FTCDNL1: variants seen among roughly 807,000 people sequenced by gnomAD.
The protein encoded by FTCDNL1 is formiminotransferase cyclodeaminase N-terminal like, also known as formiminotransferase N-terminal subdomain-containing protein.
FTCDNL1 carries 11 observed loss-of-function variants against 5.9 expected under a neutral mutation model. The ratio of observed to expected loss-of-function variants is 1.87; its 90% CI spans 1.18 to 3.10. The LOEUF (loss-of-function observed/expected upper bound fraction) is 3.10. FTCDNL1 is among the 30% of genes most tolerant of loss of function. FTCDNL1 has a pLI of 0.00. For synonymous variants in FTCDNL1, 58 were observed against 24.8 expected (o/e 2.34, Z -3.99); for missense variants, 115 against 65.5 (o/e 1.76, Z -2.61).
the FTCDNL1 span, among the ~76,000 whole-genome samples, chr2:199,742,725 A>G: frequency 1.3e-5 from 2 of 152,234 alleles, no homozygotes; most frequent in Non-Finnish European, 2.9e-5. Flanking sequence ...AGGTTACACA[A>G]CAGGTGGAAG....
At chr2:199,710,770 CG>C in the FTCDNL1 span, among the ~76,000 whole-genome samples, 2 of 152,102 alleles carry the variant, frequency 1.3e-5, no homozygotes, top group African/African-American at 4.8e-5. Context: ...CCCCTGAAGT[CG>C]TAGCATTCTA....
At chr2:199,698,100 A>G in the FTCDNL1 span, among the ~76,000 whole-genome samples, 1 of 152,232 alleles carries the variant, frequency 6.6e-6, no homozygotes, top group Non-Finnish European at 1.5e-5. Context: ...CTAAATATAT[A>G]TGCATCCAAC....
chr2:199,785,646 T>C (rs770404722), intron 3 of FTCDNL1: 1 of 152,114 alleles, frequency 6.6e-6, no homozygotes, highest in Non-Finnish European at 1.5e-5. Flanking sequence ...TTCACATGAT[T>C]GAATTTTTTT....
chr2:199,721,656 G>C, the FTCDNL1 span, among the ~76,000 whole-genome samples: 2,859 of 152,230 alleles, frequency 0.019, 76 homozygotes, highest in East Asian at 0.16. Context: ...TGGGATTGCT[G>C]GGTCAAATGG....
chr2:199,836,143 C>G (rs1253952646), intron 3 of FTCDNL1, among the ~76,000 whole-genome samples: 4 of 152,008 alleles, frequency 2.6e-5, no homozygotes, highest in African/African-American at 9.7e-5. Context: ...GACATTTATT[C>G]TTGTTGATAT....
the FTCDNL1 span, among the ~76,000 whole-genome samples, chr2:199,753,551 C>T: frequency 3.9e-5 from 6 of 152,170 alleles, no homozygotes; most frequent in South Asian, 2.1e-4. Flanking sequence ...GGGACACAAT[C>T]GGAGAATACA....
chr2:199,664,050 A>G, the FTCDNL1 span, among the ~76,000 whole-genome samples: 1 of 152,184 alleles, frequency 6.6e-6, no homozygotes, highest in Non-Finnish European at 1.5e-5. Flanking sequence ...GTTTAAAAAA[A>G]AAAAAGTACT....
downstream of FTCDNL1, among the ~76,000 whole-genome samples, chr2:199,757,712 C>T (rs1194628319): frequency 6.6e-6 from 1 of 152,182 alleles, no homozygotes; most frequent in East Asian, 1.9e-4. Flanking sequence ...ATGGAGTATG[C>T]ATGGCAGCTG....
chr2:199,683,599 A>G, the FTCDNL1 span, among the ~76,000 whole-genome samples: 1 of 151,312 alleles, frequency 6.6e-6, no homozygotes, highest in African/African-American at 2.4e-5. Context: ...CAAATCTGAT[A>G]TTCTTGAGCT....
At chr2:199,741,846 C>T in the FTCDNL1 span, among the ~76,000 whole-genome samples, 2 of 152,146 alleles carry the variant, frequency 1.3e-5, no homozygotes, top group Non-Finnish European at 2.9e-5. Context: ...CTAAACATTT[C>T]TCAAATATAT....
At chr2:199,823,961 G>C (rs1178685749) in intron 3 of FTCDNL1, among the ~76,000 whole-genome samples, 2 of 152,130 alleles carry the variant, frequency 1.3e-5, no homozygotes, top group African/African-American at 2.4e-5. Flanking sequence ...AATCTGTTTA[G>C]TGTAGCCACC....
chr2:199,803,357 G>A (rs187019000), intron 3 of FTCDNL1, among the ~76,000 whole-genome samples: 45 of 152,174 alleles, frequency 3.0e-4, no homozygotes, highest in African/African-American at 9.4e-4. Flanking sequence ...GTACAATTTC[G>A]AACTGGAACA....
intron 3 of FTCDNL1, among the ~76,000 whole-genome samples, chr2:199,825,272 A>T (rs548658376): frequency 1.1e-4 from 17 of 152,184 alleles, no homozygotes; most frequent in Non-Finnish European, 2.4e-4. Context: ...GCACCAATGG[A>T]CTCACTTGAT....
the FTCDNL1 span, among the ~76,000 whole-genome samples, chr2:199,666,843 C>T: frequency 4.0e-5 from 6 of 150,088 alleles, no homozygotes; most frequent in Non-Finnish European, 8.8e-5. Flanking sequence ...CCCCAGGAGG[C>T]GAGGTTGCAG....
At chr2:199,710,230 G>A in the FTCDNL1 span, among the ~76,000 whole-genome samples, 1 of 152,134 alleles carries the variant, frequency 6.6e-6, no homozygotes, top group African/African-American at 2.4e-5. Flanking sequence ...TAGTTAAAAT[G>A]TGCTTCAAGT....
At chr2:199,721,292 C>CTCCA in the FTCDNL1 span, among the ~76,000 whole-genome samples, 1 of 152,118 alleles carries the variant, frequency 6.6e-6, no homozygotes, top group African/African-American at 2.4e-5. Context: ...TCCCAACAGG[C>CTCCA]TCCAGTATGT....
chr2:199,792,639 T>A (rs1292627769), intron 3 of FTCDNL1, among the ~76,000 whole-genome samples: 5 of 152,170 alleles, frequency 3.3e-5, no homozygotes, highest in Admixed American at 3.3e-4. Flanking sequence ...ATCTTTAATA[T>A]TCTCACCCGT....
chr2:199,823,007 C>T (rs903325444), intron 3 of FTCDNL1, among the ~76,000 whole-genome samples: 4 of 152,116 alleles, frequency 2.6e-5, no homozygotes, highest in Non-Finnish European at 5.9e-5. Context: ...TGTTCCACCA[C>T]TCCTAGCTAA....
At chr2:199,717,979 AAAAAAAC>A in the FTCDNL1 span, among the ~76,000 whole-genome samples, 1 of 40,532 alleles carries the variant, frequency 2.5e-5, no homozygotes, top group Non-Finnish European at 7.1e-5. Flanking sequence ...AAAAAAAACC[AAAAAAAC>A]AAAAAAAAAA....
Sources: allele counts gnomAD v4.1 joint callset (sites outside exome capture counted in the v4.1 genomes callset), GRCh38; gene constraint gnomAD v4.1.1; transcripts MANE v1.5; gene names NCBI Gene and HGNC (gene_info 2026-07-23, HGNC 2026-07-21).